RIC1: variants seen among roughly 807,000 people sequenced by gnomAD.
The protein encoded by RIC1 is guanine nucleotide exchange factor subunit RIC1.
RIC1 carries 88 observed loss-of-function variants against 169.0 expected under a neutral mutation model. The ratio of observed to expected loss-of-function variants is 0.52; its 90% CI spans 0.44 to 0.62. RIC1 has a LOEUF of 0.62. Among genes scored for constraint, RIC1 ranks in the 20% least tolerant of loss-of-function variants. The pLI is 0.00. For missense variants in RIC1, 1,877 were observed against 1,725.5 expected (o/e 1.09, Z -1.56); for synonymous variants, 790 against 601.5 (o/e 1.31, Z -4.59).
chr9:5,774,199 GAGGA>G lies in RIC1; in HGVS notation c.4228_4231del (p.Glu1410AsnfsTer26). 6.2e-7 allele frequency: 1 copy of G among 1,613,830 alleles called. No individual in the cohort carries two copies. Among genetic ancestry groups the G allele is most frequent in the Non-Finnish European group, 8.5e-7 (1 of 1,179,884 alleles). The stretch of plus-strand genomic sequence containing the variant: ...AGAGGAGGACACAGCCCAAGCAGAG[GAGGA>G]AGAACCTTTTCAGGATGGGACTTAC... On this transcript the variant is annotated frameshift_variant, in exon 26 of 26. Coordinates refer to ENST00000414202, the MANE Select transcript of RIC1 (RefSeq NM_020829.4). LOFTEE classifies it high-confidence loss of function.
At chr9:5,668,304 C>G (rs1281123639) in intron 2 of RIC1, among the ~76,000 whole-genome samples, 1 of 152,176 alleles carries the variant, frequency 6.6e-6, no homozygotes, top group African/African-American at 2.4e-5. Flanking sequence ...AACCATATCA[C>G]TGAGGAACCC....
Position 5,765,678 on chromosome 9 carries a change from G to A in RIC1, c.3017G>A (p.Gly1006Asp). ...TAATCCTAGGAACCCAGTTCAAGTG[G>A]TGGATTTGAGTTCTTCAGGAATCGA... ...TPTAQEPSSSGGFEFFRNRSI... is the reference protein window; with the variant it reads ...TPTAQEPSSSDGFEFFRNRSI... Residue 1006 changes from glycine (G) to aspartate (D), a missense_variant, in exon 21 of 26, where the codon GGT (glycine) becomes GAT (aspartate). Physicochemically the swap from Gly to Asp is moderately conservative, Grantham distance 94 (BLOSUM62 -1). Transcript: ENST00000414202. 2 of 1,614,178 alleles carry A rather than the reference G, an allele frequency of 1.2e-6. No individual in the cohort carries two copies. Among genetic ancestry groups the A allele is most frequent in the Non-Finnish European group, 1.7e-6 (2 of 1,180,012 alleles).
At chr9:5,773,900 G>A in intron 25 of RIC1, 58 bp from the exon 26 acceptor site, 2 of 1,449,162 alleles carry the variant, frequency 1.4e-6, no homozygotes, top group Admixed American at 2.2e-5. Context: ...CACCCGTAAT[G>A]TTCTACCAAA....
chr9:5,693,118 C>G (rs1406587136), intron 3 of RIC1, among the ~76,000 whole-genome samples: 1 of 152,066 alleles, frequency 6.6e-6, no homozygotes, highest in Non-Finnish European at 1.5e-5. Context: ...GAGAAATGAT[C>G]TGGAGTGGTT....
At chr9:5,694,171 G>A (rs1433948143) in intron 3 of RIC1, among the ~76,000 whole-genome samples, 1 of 152,098 alleles carries the variant, frequency 6.6e-6, no homozygotes, top group Non-Finnish European at 1.5e-5. Context: ...AACACAACTT[G>A]CCCCTTCTAA....
chr9:5,722,187 C>G (rs922482172), intron 6 of RIC1, among the ~76,000 whole-genome samples: 1 of 151,592 alleles, frequency 6.6e-6, no homozygotes, highest in East Asian at 1.9e-4. Flanking sequence ...GGTGCCCAGC[C>G]CATTTCATCT....
chr9:5,642,296 A>G (rs1818288951), intron 1 of RIC1, among the ~76,000 whole-genome samples: 1 of 144,388 alleles, frequency 6.9e-6, no homozygotes, highest in African/African-American at 2.8e-5. Context: ...GCGTTGATGC[A>G]AGCACCCCTG....
At chr9:5,752,331 T>A (rs569716770) in intron 12 of RIC1, among the ~76,000 whole-genome samples, 10 of 152,142 alleles carry the variant, frequency 6.6e-5, no homozygotes, top group Non-Finnish European at 1.3e-4. Flanking sequence ...TTCATGTACA[T>A]ATATATATGT....
At chr9:5,765,917 T>C (rs1406791672) in intron 21 of RIC1, 119 bp downstream of exon 21, 2 of 1,278,090 alleles carry the variant, frequency 1.6e-6, no homozygotes, top group African/African-American at 3.0e-5. Context: ...AGTTTCTTTT[T>C]CCATTCCCAA....
chr9:5,723,343 C>T (rs1823732479), intron 6 of RIC1, among the ~76,000 whole-genome samples: 1 of 152,208 alleles, frequency 6.6e-6, no homozygotes, highest in Admixed American at 6.5e-5. Context: ...CTGTTGGCTG[C>T]ATAAATGTCT....
At position 5,653,124 on chromosome 9, in the gene RIC1, C is replaced by T. The variant is rs780605226; in HGVS notation, c.145-3459C>T. Among the ~76,000 whole-genome samples, 44 of 152,106 alleles carry T rather than the reference C, an allele frequency of 2.9e-4. 1 individual carries two copies. The highest frequency in any genetic ancestry group is 2.1e-4 in the South Asian group (1 of 4,832). ...TGAGGACTTTTGCATCTGTGTTCAT[C>T]AGGTATTTATTTTTGTGAATGTTGA... On this transcript the variant is annotated intron_variant, in intron 1 of 25. Coordinates refer to ENST00000414202, the MANE Select transcript of RIC1 (RefSeq NM_020829.4).
chr9:5,661,540 G>C (rs945848155), intron 2 of RIC1, among the ~76,000 whole-genome samples: 1 of 152,114 alleles, frequency 6.6e-6, no homozygotes, highest in Non-Finnish European at 1.5e-5. Context: ...CCCTTGAAGA[G>C]GTTCTTCACC....
chr9:5,733,262 GA>G (rs1304495849), intron 7 of RIC1, among the ~76,000 whole-genome samples: 2 of 147,990 alleles, frequency 1.4e-5, no homozygotes, highest in East Asian at 2.0e-4. Context: ...AAGTATCAAA[GA>G]TTTTTTTTTT....
At chr9:5,655,949 A>C (rs1322229583) in intron 1 of RIC1, among the ~76,000 whole-genome samples, 1 of 151,814 alleles carries the variant, frequency 6.6e-6, no homozygotes, top group Non-Finnish European at 1.5e-5. Context: ...GGCTCACTGC[A>C]AGCTCTGCCT....
intron 1 of RIC1, among the ~76,000 whole-genome samples, chr9:5,651,464 A>G (rs1350980616): frequency 6.6e-6 from 1 of 151,836 alleles, no homozygotes; most frequent in Non-Finnish European, 1.5e-5. Flanking sequence ...CTTATCCAAA[A>G]AATTCCTTGC....
chr9:5,634,983 A>G (rs979821998), intron 1 of RIC1, among the ~76,000 whole-genome samples: 2 of 152,076 alleles, frequency 1.3e-5, no homozygotes, highest in Admixed American at 1.3e-4. Context: ...ACTAGATTTT[A>G]TTCATCATCA....
At chr9:5,742,727 TG>T in intron 8 of RIC1, 141 bp from the exon 9 acceptor site, 1 of 746,904 alleles carries the variant, frequency 1.3e-6, no homozygotes, top group Non-Finnish European at 2.1e-6. Context: ...TAGTCCTAAA[TG>T]ACCAGGATTT....
At chr9:5,720,801 T>A in intron 6 of RIC1, 51 bp downstream of exon 6, 1 of 1,412,636 alleles carries the variant, frequency 7.1e-7, no homozygotes, top group Non-Finnish European at 9.5e-7. Flanking sequence ...ACTTATTTTA[T>A]TCTTTGTTAT....
At chr9:5,638,396 T>G (rs1453346180) in intron 1 of RIC1, among the ~76,000 whole-genome samples, 1 of 152,226 alleles carries the variant, frequency 6.6e-6, no homozygotes, top group Non-Finnish European at 1.5e-5. Flanking sequence ...TCCTGTATTT[T>G]TCAGAACAGT....
Sources: allele counts gnomAD v4.1 joint callset (sites outside exome capture counted in the v4.1 genomes callset), GRCh38; gene constraint gnomAD v4.1.1; transcripts MANE v1.5; gene names NCBI Gene and HGNC (gene_info 2026-07-23, HGNC 2026-07-21).